Variants in STRN3 observed in about 807,000 individuals in gnomAD.
STRN3 encodes the protein striatin-3.
Under a neutral mutation model 95.6 loss-of-function variants are expected in STRN3, and 29 were observed. That is an observed-to-expected ratio of 0.30 (90% confidence interval 0.23 to 0.41). The LOEUF is 0.41. Among genes scored for constraint, STRN3 ranks in the 10% least tolerant of loss-of-function variants. The probability of loss-of-function intolerance (pLI) is 1.00; values close to 1 mark genes in which losing one functional copy is unlikely to be tolerated. For synonymous variants in STRN3, 331 were observed against 357.6 expected (o/e 0.93, Z 0.84); for missense variants, 890 against 972.1 (o/e 0.92, Z 1.12).
At chr14:31,007,961 G>C (rs749277427) in intron 1 of STRN3, among the ~76,000 whole-genome samples, 5 of 152,186 alleles carry the variant, frequency 3.3e-5, no homozygotes, top group Non-Finnish European at 5.9e-5. Context: ...GGGAGGCTGA[G>C]GCAGGCGGAT....
chr14:30,935,224 C>A lies in STRN3; in HGVS notation c.927G>T (p.Val309=). 1 of 1,614,088 alleles carries A rather than the reference C, an allele frequency of 6.2e-7. No individual in the cohort carries two copies. The highest frequency in any genetic ancestry group is 1.1e-5 in the South Asian group (1 of 91,070). Residue 309 remains valine, a synonymous_variant, in exon 7 of 18, where the codon GTG becomes GTT. Transcript: ENST00000357479. ...CAGCTCCTTCACCATCTTCAGCAGT[C>A]ACTAAAAAATCAAATTCTTTCAGTG... ...EEALKEFDFL[V]TAEDGEGAGE... is the part of the protein sequence containing the mutation.
At chr14:30,933,534 T>G (rs1170173752) in intron 7 of STRN3, among the ~76,000 whole-genome samples, 2 of 152,048 alleles carry the variant, frequency 1.3e-5, no homozygotes, top group East Asian at 3.8e-4. Context: ...TGGAAAAAGA[T>G]AAGGTATTTC....
Position 31,001,891 on chromosome 14 carries a change from C to T in STRN3, c.282+24013G>A, listed in dbSNP as rs142759892. 5.5e-3 allele frequency among the ~76,000 whole-genome samples: 832 copies of T among 151,668 alleles called. 9 individuals carry two copies. The highest frequency in any genetic ancestry group is 0.019 in the African/African-American group (781 of 41,336). On this transcript the variant is annotated intron_variant, in intron 1 of 17. Coordinates refer to ENST00000357479, the MANE Select transcript of STRN3 (RefSeq NM_001083893.2). ...CTAAAAACACAAAAATCAGGCCAGG[C>T]GTGGTGGCTCATGCCTGTAATCCCA...
At chr14:31,001,540 T>TAAA (rs879303908) in intron 1 of STRN3, among the ~76,000 whole-genome samples, 1 of 136,802 alleles carries the variant, frequency 7.3e-6, no homozygotes, top group African/African-American at 2.7e-5. Context: ...AGACCCCACC[T>TAAA]AAAAAAAAAA....
chr14:30,997,147 A>G (rs1221291630), intron 1 of STRN3, among the ~76,000 whole-genome samples: 4 of 152,206 alleles, frequency 2.6e-5, no homozygotes, highest in Admixed American at 6.5e-5. Context: ...AGGGCTCAAA[A>G]GAAAGTTAAA....
In STRN3 at chr14:31,026,376, A is replaced by T. The variant is rs938504491; in HGVS notation, c.-191T>A. 4 of 270,258 alleles carry T rather than the reference A, an allele frequency of 1.5e-5. No individual in the cohort carries two copies. The allele number at this position is 270,258 out of a possible 1,614,324, so 16.7% of individuals were successfully genotyped here. ...CTGCCGCCATTACAATCCCTCCTCC[A>T]TCTGCCCGTCTCACTCACTCACTTT... On this transcript the variant is annotated 5_prime_UTR_variant, in exon 1 of 18. An upstream start codon of the reference 5' UTR is lost. Transcript: ENST00000357479.
chr14:30,948,757 G>T (rs955665498), intron 4 of STRN3, among the ~76,000 whole-genome samples: 2 of 152,208 alleles, frequency 1.3e-5, no homozygotes, highest in African/African-American at 4.8e-5. Flanking sequence ...GATAAAGGTG[G>T]CAAGAGACTA....
At chr14:30,958,877 C>A (rs896430388) in intron 1 of STRN3, among the ~76,000 whole-genome samples, 1 of 152,106 alleles carries the variant, frequency 6.6e-6, no homozygotes, top group Non-Finnish European at 1.5e-5. Flanking sequence ...TACCAACTAT[C>A]CACACTTAGA....
chr14:30,919,211 C>T (rs1896818241), intron 8 of STRN3, 105 bp from the exon 9 acceptor site: 1 of 1,189,422 alleles, frequency 8.4e-7, no homozygotes, highest in African/African-American at 1.6e-5. Flanking sequence ...TAAGAAGTCC[C>T]AGTTATTAAA....
rs748082237 is a variant in STRN3 at position 31,025,857 on chromosome 14, G to A, written c.282+47C>T. The A allele has an allele frequency of 7.0e-6, 11 of 1,570,084 alleles. No homozygotes were observed. In the South Asian group the frequency reaches 8.1e-5, roughly 12 times the overall value. On this transcript the variant is annotated intron_variant, in intron 1 of 17. Transcript: ENST00000357479. ...GAGTCCCCAGCCCCACCCCCCGGCCGGGAACCCAGCCGCCGCAGCTCCCGC... is the reference window on the plus strand; with the variant it reads ...GAGTCCCCAGCCCCACCCCCCGGCCAGGAACCCAGCCGCCGCAGCTCCCGC...
intron 1 of STRN3, among the ~76,000 whole-genome samples, chr14:30,971,382 A>C (rs1456451765): frequency 2.6e-5 from 4 of 152,230 alleles, no homozygotes. Context: ...TTAAAGTCCC[A>C]TGAGGAATAC....
intron 3 of STRN3, among the ~76,000 whole-genome samples, chr14:30,952,340 A>C (rs901840303): frequency 2.6e-5 from 4 of 152,106 alleles, no homozygotes; most frequent in Non-Finnish European, 4.4e-5. Flanking sequence ...GACTCCTCAA[A>C]ATCACTTAGT....
rs1181007246 is a variant in STRN3 at position 30,902,191 on chromosome 14, AAAAAAAAAAAAAAAAAAT to A, written c.2137+327_2137+344del. ...CGCCTCAAAAAAAAAAAAAAAAAAA[AAAAAAAAAAAAAAAAAAT>A]GGAAATGCCAAACACCAGAAAGAGA... On this transcript the variant is annotated intron_variant, in intron 16 of 17. Coordinates refer to ENST00000357479, the MANE Select transcript of STRN3 (RefSeq NM_001083893.2). Among the ~76,000 whole-genome samples, 164 of 144,264 alleles carry A rather than the reference AAAAAAAAAAAAAAAAAAT, an allele frequency of 1.1e-3. 1 individual carries two copies. Among genetic ancestry groups the A allele is most frequent in the Non-Finnish European group, 1.9e-3 (129 of 66,854 alleles). The allele number at this position is 144,264 out of a possible 152,430, so 94.6% of individuals were successfully genotyped here. A position where few individuals can be genotyped will look rare whatever the true frequency, so the allele number is the denominator to read the frequency against.
chr14:30,925,103 A>C (rs1463882178), intron 8 of STRN3, among the ~76,000 whole-genome samples: 1 of 152,152 alleles, frequency 6.6e-6, no homozygotes, highest in Non-Finnish European at 1.5e-5. Context: ...CTCTTAGAGT[A>C]CTAATAAGAT....
chr14:30,919,188 CAAA>C, intron 8 of STRN3, 82 bp from the exon 9 acceptor site: 1 of 1,345,314 alleles, frequency 7.4e-7, no homozygotes, highest in East Asian at 2.6e-5. Flanking sequence ...AATTTATTAA[CAAA>C]ACAGACTATT....
chr14:30,943,444 TAA>T (rs1367334531), intron 5 of STRN3, among the ~76,000 whole-genome samples: 1 of 151,936 alleles, frequency 6.6e-6, no homozygotes, highest in African/African-American at 2.4e-5. Flanking sequence ...TACAAAAACT[TAA>T]AGAATCAGCC....
At position 31,026,359 on chromosome 14, in the gene STRN3, A is replaced by C. The variant is rs1412861404; in HGVS notation, c.-174T>G. On this transcript the variant is annotated 5_prime_UTR_variant, in exon 1 of 18. It removes an upstream start codon present in the reference 5' UTR. Transcript: ENST00000357479. Reference sequence around the variant, plus strand: ...GAGCAGGGAGCTGCCGGCTGCCGCCATTACAATCCCTCCTCCATCTGCCCG... The same window carrying C: ...GAGCAGGGAGCTGCCGGCTGCCGCCCTTACAATCCCTCCTCCATCTGCCCG... 1 of 407,118 alleles carries C rather than the reference A, an allele frequency of 2.5e-6. No individual in the cohort carries two copies. The highest frequency in any genetic ancestry group is 3.8e-6 in the Non-Finnish European group (1 of 266,510). 25.2% of individuals were successfully genotyped at this position (407,118 alleles called of 1,614,324 possible). A position where few individuals can be genotyped will look rare whatever the true frequency, so the allele number is the denominator to read the frequency against.
chr14:30,969,331 G>A (rs142740191), intron 1 of STRN3, among the ~76,000 whole-genome samples: 1,903 of 152,188 alleles, frequency 0.013, 22 homozygotes, highest in Non-Finnish European at 0.019. Context: ...CAGCTACTCG[G>A]GAGGCTAAGG....
intron 12 of STRN3, among the ~76,000 whole-genome samples, 162 bp from the exon 13 acceptor site, chr14:30,911,324 G>A (rs1443597011): frequency 7.9e-6 from 1 of 126,392 alleles, no homozygotes; most frequent in Non-Finnish European, 1.6e-5. Context: ...TTTGGAGACA[G>A]GGTCTCACTC....
Sources: gnomAD v4.1 joint callset for allele counts (sites outside exome capture counted in the v4.1 genomes callset) on GRCh38, gnomAD v4.1.1 for gene constraint, MANE v1.5 for transcripts, NCBI Gene and HGNC (gene_info 2026-07-23, HGNC 2026-07-21) for gene names.